The following DRC8 variants were observed in gnomAD, a reference collection of about 807,000 sequenced individuals.
DRC8 encodes the protein dynein regulatory complex protein 8.
chr1:244,995,781 A>G, the DRC8 span, among the ~76,000 whole-genome samples: 41 of 152,234 alleles, frequency 2.7e-4, no homozygotes, highest in African/African-American at 8.4e-4. Context: ...CAATGTTGCA[A>G]AATTTCTGCT....
chr1:245,007,881 T>C, the DRC8 span, among the ~76,000 whole-genome samples: 1 of 152,068 alleles, frequency 6.6e-6, no homozygotes. Flanking sequence ...AACCTAAACA[T>C]TGGCCAGGCT....
chr1:244,973,859 C>T, the DRC8 span, among the ~76,000 whole-genome samples: 1 of 150,860 alleles, frequency 6.6e-6, no homozygotes, highest in Non-Finnish European at 1.5e-5. Context: ...GAAAAATTAC[C>T]TAAATTAGAA....
chr1:245,041,341 A>G, the DRC8 span, among the ~76,000 whole-genome samples: 16 of 152,314 alleles, frequency 1.1e-4, 2 homozygotes, highest in African/African-American at 3.6e-4. Flanking sequence ...GGTGCAGTTG[A>G]TCAGGAAGAA....
chr1:245,118,795 AAAAAGAAAAG>A, the DRC8 span, among the ~76,000 whole-genome samples: 6,264 of 138,534 alleles, frequency 0.045, 238 homozygotes, highest in African/African-American at 0.095. Flanking sequence ...GCCATCTCAA[AAAAAGAAAAG>A]AAAAGAAAAG....
chr1:245,004,484 C>T, the DRC8 span, among the ~76,000 whole-genome samples: 1 of 150,310 alleles, frequency 6.7e-6, no homozygotes, highest in East Asian at 1.9e-4. Context: ...CTCAAGTGAT[C>T]TTCCCACCTC....
At chr1:245,042,234 A>G in the DRC8 span, among the ~76,000 whole-genome samples, 1 of 152,362 alleles carries the variant, frequency 6.6e-6, no homozygotes, top group Admixed American at 6.5e-5. Flanking sequence ...ACTCTGTAAT[A>G]TCCAGTATTT....
At chr1:245,109,521 T>C in the DRC8 span, among the ~76,000 whole-genome samples, 2 of 152,192 alleles carry the variant, frequency 1.3e-5, no homozygotes, top group Non-Finnish European at 2.9e-5. Flanking sequence ...CGCCTGGGTG[T>C]GCATCGCTCT....
At chr1:245,027,994 C>T in the DRC8 span, among the ~76,000 whole-genome samples, 14 of 152,030 alleles carry the variant, frequency 9.2e-5, no homozygotes, top group East Asian at 1.9e-3. Context: ...TGGGCTCACA[C>T]GATCCTCCTG....
At chr1:244,990,743 T>C in the DRC8 span, among the ~76,000 whole-genome samples, 3 of 151,932 alleles carry the variant, frequency 2.0e-5, no homozygotes, top group East Asian at 5.8e-4. Context: ...TCAAGCAGTC[T>C]TCCCACCTCA....
chr1:245,028,947 A>G, the DRC8 span, among the ~76,000 whole-genome samples: 1 of 152,272 alleles, frequency 6.6e-6, no homozygotes, highest in East Asian at 1.9e-4. Context: ...TATGATTCCC[A>G]TGGAGTGGGG....
chr1:245,010,006 G>A, the DRC8 span, among the ~76,000 whole-genome samples: 4 of 151,958 alleles, frequency 2.6e-5, no homozygotes, highest in African/African-American at 7.2e-5. Flanking sequence ...GACTACAGGC[G>A]TGCGCCACCA....
At chr1:244,976,100 C>T in the DRC8 span, among the ~76,000 whole-genome samples, 1 of 151,854 alleles carries the variant, frequency 6.6e-6, no homozygotes, top group Non-Finnish European at 1.5e-5. Context: ...GAAACGCTCT[C>T]TCTACGAAAA....
chr1:244,998,756 A>T, the DRC8 span, among the ~76,000 whole-genome samples: 1 of 152,194 alleles, frequency 6.6e-6, no homozygotes, highest in African/African-American at 2.4e-5. Context: ...ATGCCATGGC[A>T]CTAGGACAGT....
At chr1:245,063,762 C>T in the DRC8 span, among the ~76,000 whole-genome samples, 1 of 152,174 alleles carries the variant, frequency 6.6e-6, no homozygotes, top group Non-Finnish European at 1.5e-5. Context: ...GACTCTGTCG[C>T]CCGGGCTGGA....
At chr1:245,108,873 A>G in the DRC8 span, among the ~76,000 whole-genome samples, 3 of 152,016 alleles carry the variant, frequency 2.0e-5, no homozygotes, top group Non-Finnish European at 4.4e-5. Context: ...CATCCGATCC[A>G]TTATTCCTCT....
chr1:245,013,599 A>G, the DRC8 span, among the ~76,000 whole-genome samples: 1 of 152,220 alleles, frequency 6.6e-6, no homozygotes. Context: ...TGGAGGGTTG[A>G]TTAAATACAT....
the DRC8 span, among the ~76,000 whole-genome samples, chr1:245,106,915 G>A: frequency 2.6e-5 from 4 of 152,156 alleles, no homozygotes; most frequent in Admixed American, 6.5e-5. Context: ...GTGGTGGCGG[G>A]TGCCTGTAAT....
At chr1:245,059,426 A>G in the DRC8 span, 5 of 1,612,618 alleles carry the variant, frequency 3.1e-6, no homozygotes, top group Middle Eastern at 1.6e-4. Flanking sequence ...ATGCTGTCCT[A>G]CGGAAGGAGA....
the DRC8 span, among the ~76,000 whole-genome samples, chr1:245,037,936 C>A: frequency 6.6e-6 from 1 of 151,726 alleles, no homozygotes; most frequent in South Asian, 2.1e-4. Flanking sequence ...TAACAAAAAC[C>A]ATATAAATGC....
Sources: allele counts gnomAD v4.1 joint callset (sites outside exome capture counted in the v4.1 genomes callset), GRCh38; gene constraint gnomAD v4.1.1; transcripts MANE v1.5; gene names NCBI Gene and HGNC (gene_info 2026-07-23, HGNC 2026-07-21).